The following IMMP2L variants were observed in gnomAD, a reference collection of about 807,000 sequenced individuals.
IMMP2L encodes inner mitochondrial membrane peptidase subunit 2, also known as mitochondrial inner membrane protease subunit 2.
IMMP2L carries 18 observed loss-of-function variants against 19.3 expected under a neutral mutation model. That is an observed-to-expected ratio of 0.93 (90% CI 0.64 to 1.38). IMMP2L has a LOEUF of 1.38. Among genes scored for constraint, IMMP2L ranks in the 40% most tolerant of loss-of-function variants. The pLI, the probability that IMMP2L is intolerant of heterozygous loss-of-function variation, is 0.00. For synonymous variants in IMMP2L, 76 were observed against 73.0 expected (o/e 1.04, Z -0.21); for missense variants, 233 against 218.2 (o/e 1.07, Z -0.43).
intron 3 of IMMP2L, among the ~76,000 whole-genome samples, chr7:111,364,961 C>T (rs1246602958): frequency 1.4e-5 from 2 of 148,054 alleles, no homozygotes. Context: ...CAGAGTGAGA[C>T]TCTGTCAAAA....
intron 3 of IMMP2L, among the ~76,000 whole-genome samples, chr7:111,150,649 C>T (rs1803970350): frequency 1.3e-5 from 2 of 152,120 alleles, no homozygotes; most frequent in Admixed American, 6.6e-5. Flanking sequence ...ATACTCATTA[C>T]TATAGAATTT....
Position 111,272,436 on chromosome 7 carries a change from A to G in IMMP2L, c.239+214802T>C, listed in dbSNP as rs1465297729. 2.6e-5 allele frequency among the ~76,000 whole-genome samples: 4 copies of G among 152,300 alleles called. No homozygotes were observed. In the East Asian group the frequency reaches 7.7e-4, roughly 29 times the overall value. ...TTCTCAAAAGGCACTGTACACTGCT[A>G]CTTTAGTATGATTAAACACACTGAA... On this transcript the variant is annotated intron_variant, in intron 3 of 5. Transcript: ENST00000405709.
At chr7:110,723,488 T>C (rs1402983966) in intron 5 of IMMP2L, among the ~76,000 whole-genome samples, 1 of 151,294 alleles carries the variant, frequency 6.6e-6, no homozygotes, top group Non-Finnish European at 1.5e-5. Context: ...CTAAAGGGAA[T>C]AAAAGGTAGC....
intron 3 of IMMP2L, among the ~76,000 whole-genome samples, chr7:111,482,860 T>C (rs2158934): frequency 0.019 from 2,956 of 152,230 alleles, 106 homozygotes; most frequent in African/African-American, 0.067. Context: ...CTGAGCAGCA[T>C]TCTGCAAAAT....
intron 5 of IMMP2L, among the ~76,000 whole-genome samples, chr7:110,762,351 A>C (rs1798400413): frequency 6.6e-6 from 1 of 152,120 alleles, no homozygotes; most frequent in Admixed American, 6.6e-5. Context: ...GGTCCACAAA[A>C]ACTATAAATC....
intron 4 of IMMP2L, among the ~76,000 whole-genome samples, chr7:110,954,270 G>A (rs1818146690): frequency 6.6e-6 from 1 of 152,024 alleles, no homozygotes; most frequent in Non-Finnish European, 1.5e-5. Context: ...AGATGTTCCT[G>A]CTAAGCTCCA....
chr7:111,421,001 G>A (rs10275077), intron 3 of IMMP2L, among the ~76,000 whole-genome samples: 3,581 of 151,868 alleles, frequency 0.024, 211 homozygotes, highest in African/African-American at 0.082. Flanking sequence ...CACAATGGCA[G>A]AACTAATTTA....
intron 5 of IMMP2L, among the ~76,000 whole-genome samples, chr7:110,850,618 G>A (rs28441083): frequency 0.038 from 5,699 of 151,700 alleles, 333 homozygotes; most frequent in African/African-American, 0.13. Context: ...GAACCCTCCT[G>A]GGCTAAGCCC....
chr7:111,316,213 T>C (rs1205296083), intron 3 of IMMP2L, among the ~76,000 whole-genome samples: 1 of 151,828 alleles, frequency 6.6e-6, no homozygotes, highest in Non-Finnish European at 1.5e-5. Flanking sequence ...TATCTGAGAG[T>C]AGACAGGAAT....
intron 3 of IMMP2L, among the ~76,000 whole-genome samples, chr7:111,252,588 G>T (rs1816270719): frequency 6.6e-6 from 1 of 152,148 alleles, no homozygotes; most frequent in South Asian, 2.1e-4. Flanking sequence ...AAGAATACCA[G>T]CCTCTGATGA....
chr7:111,160,118 TC>T (rs1180179595), intron 3 of IMMP2L, among the ~76,000 whole-genome samples: 1 of 152,042 alleles, frequency 6.6e-6, no homozygotes, highest in East Asian at 1.9e-4. Flanking sequence ...TTCTTCTTCA[TC>T]CCATAAATAT....
chr7:111,447,336 C>A (rs1050175214), intron 3 of IMMP2L, among the ~76,000 whole-genome samples: 1 of 136,048 alleles, frequency 7.4e-6, no homozygotes, highest in South Asian at 2.3e-4. Context: ...AAAGGGAAGC[C>A]CATCAGACTA....
chr7:110,704,245 G>A (rs755568689), intron 5 of IMMP2L, among the ~76,000 whole-genome samples: 12 of 152,124 alleles, frequency 7.9e-5, no homozygotes, highest in East Asian at 1.9e-4. Context: ...GGGAAAAATC[G>A]CCAATTTAAT....
chr7:111,281,841 T>A (rs910302419), intron 3 of IMMP2L, among the ~76,000 whole-genome samples: 1 of 152,144 alleles, frequency 6.6e-6, no homozygotes, highest in Admixed American at 6.6e-5. Flanking sequence ...TCTCTAAAGG[T>A]GACAGGGTAC....
chr7:111,004,049 G>A (rs1379273984), intron 3 of IMMP2L, among the ~76,000 whole-genome samples: 1 of 152,100 alleles, frequency 6.6e-6, no homozygotes, highest in Non-Finnish European at 1.5e-5. Flanking sequence ...GAAACAGAGA[G>A]AATGATGCAT....
At chr7:111,311,197 G>A (rs913501655) in intron 3 of IMMP2L, among the ~76,000 whole-genome samples, 3 of 151,918 alleles carry the variant, frequency 2.0e-5, no homozygotes, top group Non-Finnish European at 2.9e-5. Context: ...AAGCATTGAA[G>A]AACTGGACAA....
chr7:110,897,347 T>C (rs1811428371), intron 4 of IMMP2L, among the ~76,000 whole-genome samples: 1 of 152,046 alleles, frequency 6.6e-6, no homozygotes, highest in East Asian at 1.9e-4. Flanking sequence ...AAGATACAAA[T>C]AGGCAAGTGA....
chr7:111,487,448 G>A (rs1842751070), intron 2 of IMMP2L, 107 bp from the exon 3 acceptor site: 1 of 608,424 alleles, frequency 1.6e-6, no homozygotes. Flanking sequence ...TTCTAATACA[G>A]TACCTTTCTA....
At chr7:111,073,212 G>A (rs2129575558) in intron 3 of IMMP2L, among the ~76,000 whole-genome samples, 1 of 152,198 alleles carries the variant, frequency 6.6e-6, no homozygotes, top group South Asian at 2.1e-4. Context: ...ATGACAATGA[G>A]TGTATATATA....
Sources: allele counts gnomAD v4.1 joint callset (sites outside exome capture counted in the v4.1 genomes callset), GRCh38; gene constraint gnomAD v4.1.1; transcripts MANE v1.5; gene names NCBI Gene and HGNC (gene_info 2026-07-23, HGNC 2026-07-21).